SDK1: variants seen among roughly 807,000 people sequenced by gnomAD.
The protein encoded by SDK1 is protein sidekick-1.
A neutral mutation model predicts 245.5 loss-of-function variants in SDK1; 157 were observed. The ratio of observed to expected loss-of-function variants is 0.64; its 90% confidence interval spans 0.56 to 0.73. The LOEUF (loss-of-function observed/expected upper bound fraction) is 0.73. SDK1 is among the 30% of genes least tolerant of loss of function. SDK1 has a pLI of 0.00. For synonymous variants in SDK1, 1,647 were observed against 1,278.5 expected, an observed-to-expected ratio of 1.29 and a Z score of -6.15; for missense variants, 3,583 against 3,002.3, an observed-to-expected ratio of 1.19 and a Z score of -4.52.
intron 4 of SDK1, among the ~76,000 whole-genome samples, chr7:3,678,049 G>A (rs989232723): frequency 2.6e-5 from 4 of 152,188 alleles, no homozygotes; most frequent in African/African-American, 9.6e-5. Context: ...ACCACAGCAG[G>A]TCATGACATT....
chr7:4,144,496 G>C (rs1312684735), intron 28 of SDK1, among the ~76,000 whole-genome samples: 1 of 151,516 alleles, frequency 6.6e-6, no homozygotes, highest in Non-Finnish European at 1.5e-5. Context: ...CCTGATGTGA[G>C]GATGCCCTTG....
intron 1 of SDK1, among the ~76,000 whole-genome samples, chr7:3,394,369 G>A (rs1455191159): frequency 1.3e-5 from 2 of 151,976 alleles, no homozygotes; most frequent in Non-Finnish European, 2.9e-5. Flanking sequence ...ATTTATTGCT[G>A]GATTCGTAAT....
At chr7:3,813,611 A>T (rs1398149401) in intron 4 of SDK1, among the ~76,000 whole-genome samples, 1 of 149,344 alleles carries the variant, frequency 6.7e-6, no homozygotes, top group Non-Finnish European at 1.5e-5. Flanking sequence ...CTTTATAGTC[A>T]TTTGGGTATA....
chr7:4,215,779 T>C (rs1334360837), intron 38 of SDK1, among the ~76,000 whole-genome samples: 1 of 152,184 alleles, frequency 6.6e-6, no homozygotes, highest in Non-Finnish European at 1.5e-5. Flanking sequence ...TATTACTTGA[T>C]GCGTTCTTAG....
At chr7:3,697,580 T>C (rs941052961) in intron 4 of SDK1, among the ~76,000 whole-genome samples, 1 of 152,234 alleles carries the variant, frequency 6.6e-6, no homozygotes, top group African/African-American at 2.4e-5. Context: ...TTCTTACTGC[T>C]TGCCCCACAT....
At chr7:3,507,094 A>G (rs1024817782) in intron 1 of SDK1, among the ~76,000 whole-genome samples, 6 of 152,134 alleles carry the variant, frequency 3.9e-5, no homozygotes, top group African/African-American at 1.4e-4. Context: ...GTTTAGCCCT[A>G]ATCCCGGTAC....
intron 1 of SDK1, among the ~76,000 whole-genome samples, chr7:3,393,675 C>G (rs1053251769): frequency 2.0e-5 from 3 of 152,080 alleles, no homozygotes; most frequent in Admixed American, 1.3e-4. Context: ...TTTTTCAACT[C>G]CAGAATTTCT....
intron 17 of SDK1, among the ~76,000 whole-genome samples, chr7:4,044,700 C>T (rs1170817232): frequency 1.3e-5 from 2 of 152,136 alleles, no homozygotes; most frequent in African/African-American, 4.8e-5. Flanking sequence ...CCACCCCAGA[C>T]TCCCAAAGTG....
Position 3,879,373 on chromosome 7 carries a change from C to T in SDK1, c.847+57790C>T, listed in dbSNP as rs998468930. ...ATGAAGGTGGAGGCAAACAACTGGG[C>T]GCTTTGCATCTGAGAAGTCTGCAGA... On this transcript the variant is annotated intron_variant, in intron 5 of 44. Coordinates refer to ENST00000404826, the MANE Select transcript of SDK1 (RefSeq NM_152744.4). 9.9e-5 allele frequency among the ~76,000 whole-genome samples: 15 copies of T among 152,170 alleles called. 1 individual carries two copies. Among genetic ancestry groups the T allele is most frequent in the Admixed American group, 3.3e-4 (5 of 15,280 alleles).
chr7:3,433,278 T>A (rs983147725), intron 1 of SDK1, among the ~76,000 whole-genome samples: 1 of 152,002 alleles, frequency 6.6e-6, no homozygotes, highest in African/African-American at 2.4e-5. Flanking sequence ...ACCAGACTGC[T>A]GTAATCTACA....
chr7:3,850,612 G>A (rs1219433104), intron 5 of SDK1, among the ~76,000 whole-genome samples: 3 of 152,158 alleles, frequency 2.0e-5, no homozygotes, highest in African/African-American at 7.2e-5. Context: ...CAACCCAAAT[G>A]TCCATCAGTG....
intron 1 of SDK1, among the ~76,000 whole-genome samples, chr7:3,487,368 C>A (rs1228021551): frequency 1.3e-5 from 2 of 151,986 alleles, no homozygotes; most frequent in Admixed American, 1.3e-4. Flanking sequence ...AACCATCGTA[C>A]TTAACATTAA....
chr7:3,982,249 C>A (rs1055785230), intron 13 of SDK1, among the ~76,000 whole-genome samples: 1 of 152,206 alleles, frequency 6.6e-6, no homozygotes, highest in Non-Finnish European at 1.5e-5. Flanking sequence ...ACTTTTGAGA[C>A]CTGCAGCTCA....
intron 1 of SDK1, among the ~76,000 whole-genome samples, chr7:3,389,283 G>A (rs7805854): frequency 0.045 from 6,915 of 152,230 alleles, 431 homozygotes; most frequent in African/African-American, 0.14. Flanking sequence ...GAGATGGAGA[G>A]ATTATCCTGG....
In SDK1 at chr7:3,677,944, C is replaced by G. The variant is rs549377479; in HGVS notation, c.713+35839C>G. 5.9e-5 allele frequency among the ~76,000 whole-genome samples: 9 copies of G among 152,244 alleles called. No homozygotes were observed. In the South Asian group the frequency reaches 1.7e-3, roughly 28 times the overall value. ...GTAAAGAACCCCTACAACTCAACAA[C>G]AACAGAACAAACAAAGTATTTCCCC... On this transcript the variant is annotated intron_variant, in intron 4 of 44. Transcript: ENST00000404826.
At chr7:3,460,882 C>T (rs777499101) in intron 1 of SDK1, among the ~76,000 whole-genome samples, 2 of 152,090 alleles carry the variant, frequency 1.3e-5, no homozygotes, top group Non-Finnish European at 2.9e-5. Flanking sequence ...AAAAATAAGT[C>T]TTAGACTAGA....
chr7:3,380,995 A>G (rs1450535699), intron 1 of SDK1, among the ~76,000 whole-genome samples: 1 of 152,162 alleles, frequency 6.6e-6, no homozygotes, highest in Non-Finnish European at 1.5e-5. Flanking sequence ...ACAAAATCAG[A>G]GTTCTGTTAA....
intron 1 of SDK1, among the ~76,000 whole-genome samples, chr7:3,586,606 G>A (rs1025544345): frequency 2.2e-4 from 34 of 151,532 alleles, no homozygotes; most frequent in African/African-American, 8.2e-4. Flanking sequence ...TCGGGAGGCT[G>A]AGGCAGGAGA....
chr7:3,499,642 G>C (rs529883259), intron 1 of SDK1, among the ~76,000 whole-genome samples: 25 of 152,310 alleles, frequency 1.6e-4, no homozygotes, highest in Non-Finnish European at 3.4e-4. Flanking sequence ...GGAGTAACTT[G>C]TATACCCATC....
Sources: gnomAD v4.1 joint callset for allele counts (sites outside exome capture counted in the v4.1 genomes callset) on GRCh38, gnomAD v4.1.1 for gene constraint, MANE v1.5 for transcripts, NCBI Gene and HGNC (gene_info 2026-07-23, HGNC 2026-07-21) for gene names.